Variants in CDIN1 observed in about 807,000 individuals in gnomAD.
The protein encoded by CDIN1 is CDAN1 interacting nuclease 1, also known as CDAN1-interacting nuclease 1.
Under a neutral mutation model 45.3 loss-of-function variants are expected in CDIN1, and 33 were observed. The observed-to-expected ratio is 0.73, with a 90% CI of 0.55 to 0.97. The LOEUF (loss-of-function observed/expected upper bound fraction) is 0.97, where lower values mean the gene tolerates loss of function less well. Among genes scored for constraint, CDIN1 ranks in the 50% least tolerant of loss-of-function variants. The probability of loss-of-function intolerance (pLI) is 0.00; values close to 1 mark genes in which losing one functional copy is unlikely to be tolerated. For synonymous variants in CDIN1, 118 were observed against 124.4 expected (o/e 0.95, Z 0.34); for missense variants, 303 against 339.4 (o/e 0.89, Z 0.84).
chr15:36,697,832 C>A (rs541831176), intron 8 of CDIN1, among the ~76,000 whole-genome samples: 11 of 152,132 alleles, frequency 7.2e-5, no homozygotes, highest in African/African-American at 2.6e-4. Flanking sequence ...TATTTTCATG[C>A]CAAACGTTCA....
At chr15:36,587,882 C>G (rs894664837) in intron 1 of CDIN1, among the ~76,000 whole-genome samples, 2 of 152,150 alleles carry the variant, frequency 1.3e-5, no homozygotes, top group Non-Finnish European at 2.9e-5. Context: ...CTTTCTCGCT[C>G]TGTTGTCTCT....
At chr15:36,747,068 G>A (rs916526224) in intron 10 of CDIN1, 6 of 393,702 alleles carry the variant, frequency 1.5e-5, no homozygotes, top group Non-Finnish European at 2.7e-5. Context: ...TATGAAATGT[G>A]TTTGTAAATA....
chr15:36,688,714 G>GCT (rs2042142290), intron 5 of CDIN1, among the ~76,000 whole-genome samples: 2 of 152,164 alleles, frequency 1.3e-5, no homozygotes, highest in South Asian at 4.1e-4. Flanking sequence ...AGGCCTCTTA[G>GCT]CTCTGGCCAT....
intron 10 of CDIN1, among the ~76,000 whole-genome samples, chr15:36,738,143 G>A (rs1348420104): frequency 2.0e-5 from 3 of 151,848 alleles, no homozygotes; most frequent in Non-Finnish European, 4.4e-5. Context: ...TTTTGGCTTG[G>A]CGATTTCATC....
At chr15:36,771,324 A>G (rs1349768500) in intron 10 of CDIN1, among the ~76,000 whole-genome samples, 1 of 152,208 alleles carries the variant, frequency 6.6e-6, no homozygotes, top group Non-Finnish European at 1.5e-5. Flanking sequence ...CACATTCTGC[A>G]CATGTATCCC....
chr15:36,629,274 G>A (rs180992617), intron 1 of CDIN1, among the ~76,000 whole-genome samples: 7 of 152,310 alleles, frequency 4.6e-5, no homozygotes, highest in Non-Finnish European at 1.5e-5. Context: ...TTATTTTTAA[G>A]ATAAAGTCTT....
chr15:36,741,432 A>G (rs575091115), intron 10 of CDIN1, among the ~76,000 whole-genome samples: 1 of 151,706 alleles, frequency 6.6e-6, no homozygotes, highest in African/African-American at 2.4e-5. Context: ...TCAAATAATT[A>G]TAATGACAAT....
chr15:36,798,134 TC>T (rs1566981482), intron 10 of CDIN1, among the ~76,000 whole-genome samples: 1 of 151,996 alleles, frequency 6.6e-6, no homozygotes, highest in African/African-American at 2.4e-5. Context: ...TATTCATATA[TC>T]CACTCAACAA....
intron 10 of CDIN1, among the ~76,000 whole-genome samples, chr15:36,768,961 G>A (rs910742858): frequency 6.6e-6 from 1 of 152,110 alleles, no homozygotes. Context: ...ATCATGAAAT[G>A]TAGAGAGAAC....
chr15:36,604,525 T>C (rs978397778), intron 1 of CDIN1, among the ~76,000 whole-genome samples: 2 of 151,736 alleles, frequency 1.3e-5, no homozygotes, highest in Admixed American at 1.3e-4. Context: ...TCCTGTTGGT[T>C]TTATTCAAGT....
chr15:36,656,549 A>G (rs1446888232), intron 4 of CDIN1, among the ~76,000 whole-genome samples: 1 of 152,176 alleles, frequency 6.6e-6, no homozygotes, highest in Non-Finnish European at 1.5e-5. Context: ...TTTTATTTAC[A>G]TGCTAAATTC....
intron 10 of CDIN1, among the ~76,000 whole-genome samples, chr15:36,737,437 C>T (rs1174063614): frequency 1.3e-5 from 2 of 152,154 alleles, no homozygotes; most frequent in African/African-American, 4.8e-5. Context: ...TGATAAAGAA[C>T]TAGACCAGGA....
intron 8 of CDIN1, among the ~76,000 whole-genome samples, chr15:36,698,983 A>G (rs2042536185): frequency 6.6e-6 from 1 of 152,212 alleles, no homozygotes; most frequent in African/African-American, 2.4e-5. Context: ...TCTGGGGATC[A>G]TCTCTACTTG....
intron 5 of CDIN1, among the ~76,000 whole-genome samples, chr15:36,670,541 G>A (rs1003644458): frequency 7.2e-5 from 11 of 152,000 alleles, no homozygotes; most frequent in Admixed American, 5.9e-4. Flanking sequence ...TTGAAGTGAG[G>A]CCATCAATAT....
intron 10 of CDIN1, among the ~76,000 whole-genome samples, chr15:36,769,413 A>AGG (rs2054008944): frequency 6.6e-6 from 1 of 152,178 alleles, no homozygotes; most frequent in African/African-American, 2.4e-5. Flanking sequence ...TAAAGTCCTG[A>AGG]GGCAGAATTC....
At chr15:36,806,054 A>T (rs1169142808) in intron 10 of CDIN1, among the ~76,000 whole-genome samples, 1 of 152,248 alleles carries the variant, frequency 6.6e-6, no homozygotes, top group Non-Finnish European at 1.5e-5. Flanking sequence ...CACAAAACTT[A>T]GGTAGACAGT....
intron 10 of CDIN1, among the ~76,000 whole-genome samples, chr15:36,753,102 T>A: frequency 6.6e-6 from 1 of 152,168 alleles, no homozygotes; most frequent in East Asian, 1.9e-4. Flanking sequence ...TTCGCATGAT[T>A]CAATGTGATC....
chr15:36,695,568 T>G (rs2042392780), intron 7 of CDIN1, among the ~76,000 whole-genome samples: 1 of 152,156 alleles, frequency 6.6e-6, no homozygotes, highest in East Asian at 1.9e-4. Flanking sequence ...ACTAAAAGGC[T>G]GGGTGCAGTG....
At chr15:36,675,563 A>G (rs1226391867) in intron 5 of CDIN1, among the ~76,000 whole-genome samples, 2 of 152,184 alleles carry the variant, frequency 1.3e-5, no homozygotes, top group African/African-American at 4.8e-5. Flanking sequence ...TTGGCACAGC[A>G]TTGTGCTGCC....
Sources: gnomAD v4.1 joint callset for allele counts (sites outside exome capture counted in the v4.1 genomes callset) on GRCh38, gnomAD v4.1.1 for gene constraint, MANE v1.5 for transcripts, NCBI Gene and HGNC (gene_info 2026-07-23, HGNC 2026-07-21) for gene names.